Variants in AK6 observed in about 807,000 individuals in gnomAD.
AK6 encodes the protein adenylate kinase 6.
AK6 carries 24 observed loss-of-function variants against 23.7 expected under a neutral mutation model. The ratio of observed to expected loss-of-function variants is 1.01; its 90% CI spans 0.73 to 1.43. The LOEUF (loss-of-function observed/expected upper bound fraction) is 1.43. Among genes scored for constraint, AK6 ranks in the 40% most tolerant of loss-of-function variants. AK6 has a pLI of 0.00. For synonymous variants in AK6, 73 were observed against 69.8 expected (o/e 1.05, Z -0.23); for missense variants, 191 against 199.1 (o/e 0.96, Z 0.24).
intron 4 of AK6, among the ~76,000 whole-genome samples, chr5:69,353,047 G>T (rs1761988422): frequency 6.6e-6 from 1 of 152,090 alleles, no homozygotes; most frequent in African/African-American, 2.4e-5. Flanking sequence ...TCCATACAAT[G>T]GAATATTATT....
chr5:69,366,691 C>T (rs567379898), intron 1 of AK6, 96 bp from the exon 2 acceptor site: 13 of 857,288 alleles, frequency 1.5e-5, no homozygotes, highest in Admixed American at 1.2e-4. Context: ...GAGACAGAGT[C>T]TCACCTGGCC....
At chr5:69,369,756 A>T, upstream of AK6, 1 of 1,491,738 alleles carries the variant, frequency 6.7e-7, no homozygotes. Flanking sequence ...TAAGTCACAC[A>T]CTCCTTCGGT....
At chr5:69,359,279 T>C (rs1300989989) in intron 2 of AK6, among the ~76,000 whole-genome samples, 10 of 151,804 alleles carry the variant, frequency 6.6e-5, no homozygotes, top group Non-Finnish European at 5.9e-5. Flanking sequence ...AGTTTCACTC[T>C]CGTCACCCAC....
intron 2 of AK6, among the ~76,000 whole-genome samples, chr5:69,365,948 T>A (rs1580320614): frequency 1.3e-5 from 2 of 152,356 alleles, no homozygotes; most frequent in East Asian, 3.9e-4. Context: ...TCCTACCATG[T>A]ACAAATCATT....
intron 2 of AK6, among the ~76,000 whole-genome samples, chr5:69,364,362 A>G (rs1762329921): frequency 6.6e-6 from 1 of 152,084 alleles, no homozygotes; most frequent in Non-Finnish European, 1.5e-5. Context: ...TTTTTTTTAA[A>G]AAGTGGAGAC....
chr5:69,357,492 ACT>A (rs1022914208), intron 2 of AK6, among the ~76,000 whole-genome samples: 2 of 152,212 alleles, frequency 1.3e-5, no homozygotes, highest in Non-Finnish European at 2.9e-5. Context: ...TAAAATGTTG[ACT>A]CTCTGTTCCT....
intron 1 of AK6, 45 bp from the exon 2 acceptor site, chr5:69,366,640 TA>T: frequency 1.5e-6 from 2 of 1,354,922 alleles, no homozygotes; most frequent in Middle Eastern, 1.8e-4. Context: ...AAATACTACT[TA>T]TCACACTGCG....
chr5:69,366,239 T>A (rs571975809), intron 2 of AK6, among the ~76,000 whole-genome samples: 25 of 152,304 alleles, frequency 1.6e-4, no homozygotes, highest in African/African-American at 6.0e-4. Context: ...ACATTCTACC[T>A]ATCCGAAATC....
intron 1 of AK6, among the ~76,000 whole-genome samples, chr5:69,367,445 G>A (rs72773410): frequency 0.062 from 9,064 of 147,328 alleles, 347 homozygotes; most frequent in Middle Eastern, 0.15. Flanking sequence ...GGTAGTTGTA[G>A]GATGCAGTGA....
At chr5:69,362,928 G>A (rs1481926190) in intron 2 of AK6, among the ~76,000 whole-genome samples, 1 of 152,076 alleles carries the variant, frequency 6.6e-6, no homozygotes, top group Non-Finnish European at 1.5e-5. Context: ...ATACACAACT[G>A]ACTAAAATGG....
intron 1 of AK6, 192 bp from the exon 2 acceptor site, chr5:69,366,787 T>A (rs1762447559): frequency 8.8e-6 from 5 of 567,900 alleles, no homozygotes; most frequent in Non-Finnish European, 1.3e-5. Context: ...AGACAGAGTT[T>A]CACTCTTGTC....
At chr5:69,367,504 CAA>C (rs34070239) in intron 1 of AK6, among the ~76,000 whole-genome samples, 10 of 94,006 alleles carry the variant, frequency 1.1e-4, no homozygotes, top group East Asian at 2.8e-4. Flanking sequence ...GACTCCATCT[CAA>C]AAAAAAAAAA....
chr5:69,358,184 T>C (rs748050869), intron 2 of AK6, among the ~76,000 whole-genome samples: 11 of 152,182 alleles, frequency 7.2e-5, no homozygotes, highest in East Asian at 1.9e-4. Flanking sequence ...TAATCTTGAA[T>C]AGATAAACAC....
At chr5:69,355,442 A>T (rs1561213423) in intron 4 of AK6, 1 of 495,928 alleles carries the variant, frequency 2.0e-6, no homozygotes, top group Non-Finnish European at 3.5e-6. Context: ...GAGGCACAAG[A>T]ATTGCTTGAA....
intron 4 of AK6, among the ~76,000 whole-genome samples, chr5:69,355,164 A>T (rs1762050672): frequency 6.6e-6 from 1 of 152,136 alleles, no homozygotes; most frequent in South Asian, 2.1e-4. Context: ...CATTTTACTC[A>T]ATCAGATTGT....
chr5:69,351,787 AAG>A lies in AK6; in HGVS notation c.*272_*273del. The stretch of plus-strand genomic sequence containing the variant: ...GCATTTTTTTCTGTAATAAACTTAA[AAG>A]ATATCCACCCATTTTGTCAGATTTA... On this transcript the variant is annotated 3_prime_UTR_variant, in exon 5 of 5. Transcript: ENST00000380822. The A allele has an allele frequency of 3.4e-6, 1 of 295,126 alleles. No homozygotes were observed. Among genetic ancestry groups the A allele is most frequent in the Non-Finnish European group, 6.2e-6 (1 of 162,498 alleles). The allele number at this position is 295,126 out of a possible 1,614,324, so 18.3% of individuals were successfully genotyped here. A position where few individuals can be genotyped will look rare whatever the true frequency, so the allele number is the denominator to read the frequency against.
chr5:69,358,689 G>C (rs12515828), intron 2 of AK6, among the ~76,000 whole-genome samples: 4 of 151,936 alleles, frequency 2.6e-5, no homozygotes, highest in African/African-American at 4.8e-5. Context: ...GCCTGTACCA[G>C]AGAAATGAAC....
intron 2 of AK6, among the ~76,000 whole-genome samples, chr5:69,363,464 C>G (rs2150736549): frequency 6.6e-6 from 1 of 152,328 alleles, no homozygotes; most frequent in Non-Finnish European, 1.5e-5. Flanking sequence ...CAGTGAGGAA[C>G]AAAACCACAT....
At chr5:69,362,617 T>C (rs1366443732) in intron 2 of AK6, among the ~76,000 whole-genome samples, 1 of 151,874 alleles carries the variant, frequency 6.6e-6, no homozygotes. Context: ...CAGTGAGGCC[T>C]TGTGTCTGTA....
Sources: allele counts gnomAD v4.1 joint callset (sites outside exome capture counted in the v4.1 genomes callset), GRCh38; gene constraint gnomAD v4.1.1; transcripts MANE v1.5; gene names NCBI Gene and HGNC (gene_info 2026-07-23, HGNC 2026-07-21).